ZNF677: variants seen among roughly 807,000 people sequenced by gnomAD.
ZNF677 encodes zinc finger protein 677.
In ZNF677, 5 loss-of-function variants were observed where a neutral mutation model predicts 8.1. The ratio of observed to expected loss-of-function variants is 0.62; its 90% CI spans 0.32 to 1.29. ZNF677 has a LOEUF of 1.29. Ranked by LOEUF, ZNF677 falls within the 50% of genes most tolerant of loss-of-function variation. The pLI, the probability that ZNF677 is intolerant of heterozygous loss-of-function variation, is 0.05. For missense variants in ZNF677, 685 were observed against 685.9 expected (o/e 1.00, Z 0.01); for synonymous variants, 221 against 225.6 (o/e 0.98, Z 0.18).
intron 3 of ZNF677, among the ~76,000 whole-genome samples, chr19:53,250,887 G>A (rs2091224017): frequency 2.0e-5 from 3 of 152,190 alleles, no homozygotes; most frequent in Non-Finnish European, 2.9e-5. Context: ...GAACAGGAGA[G>A]TCTTCATGAG....
intron 2 of ZNF677, 26 bp from the exon 3 acceptor site, chr19:53,251,631 A>G: frequency 6.4e-7 from 1 of 1,572,942 alleles, no homozygotes. Context: ...ATGTTGTTTA[A>G]TGCTTAAAAT....
At position 53,238,048 on chromosome 19, in the gene ZNF677, AAACTGAGG is replaced by A. The variant is rs1321238410; in HGVS notation, c.671_678del (p.Ser224PhefsTer12). On this transcript the variant is annotated frameshift_variant, in exon 5 of 5. Transcript: ENST00000598513. LOFTEE classifies it low-confidence loss of function (END_TRUNC). The stretch of plus-strand genomic sequence containing the variant: ...TTTTTGACACAAGGAGGAAGTGGTG[AAACTGAGG>A]AACTATTGATAGACTTCTCAACTGG... 6.2e-7 allele frequency: 1 copy of A among 1,613,932 alleles called. No individual in the cohort carries two copies. The highest frequency in any genetic ancestry group is 1.3e-5 in the African/African-American group (1 of 74,926).
At chr19:53,244,008 C>T in intron 3 of ZNF677, 111 bp from the exon 4 acceptor site, 2 of 929,516 alleles carry the variant, frequency 2.2e-6, no homozygotes, top group Non-Finnish European at 1.6e-6. Context: ...TTAATGCAAG[C>T]AACTTATATA....
rs149632331 is a variant in ZNF677 at position 53,238,554 on chromosome 19, A to G, written c.173T>C (p.Ile58Thr). ...TCCCTTGCTTGTAAATCCAACAGAAATATCTGAAAGATATTAAAAAAACCA... is the reference window on the plus strand; with the variant it reads ...TCCCTTGCTTGTAAATCCAACAGAAGTATCTGAAAGATATTAAAAAAACCA... ...DEDNIPPEDD[I>T]SVGFTSKGLS... Residue 58 changes from isoleucine to threonine, a missense_variant, in exon 5 of 5, where the codon ATT becomes ACT. Coordinates refer to ENST00000598513, the MANE Select transcript of ZNF677 (RefSeq NM_182609.4). 1.9e-6 allele frequency: 3 copies of G among 1,550,706 alleles called. No homozygotes were observed. Among genetic ancestry groups the G allele is most frequent in the East Asian group, 2.3e-5 (1 of 44,184 alleles).
At chr19:53,238,662 G>GA in intron 4 of ZNF677, 105 bp from the exon 5 acceptor site, 1 of 1,099,844 alleles carries the variant, frequency 9.1e-7, no homozygotes, top group Non-Finnish European at 1.2e-6. Context: ...ACAATGAACA[G>GA]AGTTATGAAG....
At chr19:53,248,418 GT>G (rs1258005147) in intron 3 of ZNF677, among the ~76,000 whole-genome samples, 1 of 152,096 alleles carries the variant, frequency 6.6e-6, no homozygotes, top group Non-Finnish European at 1.5e-5. Flanking sequence ...GTATTAATTT[GT>G]TTTTATGGCT....
intron 2 of ZNF677, among the ~76,000 whole-genome samples, chr19:53,252,290 A>G (rs891105563): frequency 6.6e-6 from 1 of 152,148 alleles, no homozygotes; most frequent in Non-Finnish European, 1.5e-5. Context: ...CCTGAAAATC[A>G]TTTCAGGGAT....
At chr19:53,240,928 A>C (rs919955082) in intron 4 of ZNF677, 1 of 152,008 alleles carries the variant, frequency 6.6e-6, no homozygotes, top group Non-Finnish European at 1.5e-5. Flanking sequence ...GACGCTGTGC[A>C]CGTGTGGGGG....
chr19:53,237,921 CCA>C lies in ZNF677; in HGVS notation c.804_805del (p.Cys268TrpfsTer5), dbSNP rs773279137. 23 of 1,612,368 alleles carry C rather than the reference CCA, an allele frequency of 1.4e-5. No homozygotes were observed. The highest frequency in any genetic ancestry group is 4.5e-5 in the East Asian group (2 of 44,882). On this transcript the variant is annotated frameshift_variant, in exon 5 of 5. Transcript: ENST00000598513. LOFTEE classifies it low-confidence loss of function (END_TRUNC). ...GTTCGAACTTTTGCTAAAAGCCTTT[CCA>C]CAGTCATTACACTTGTATGATTTTT...
At chr19:53,250,695 G>A (rs973428343) in intron 3 of ZNF677, among the ~76,000 whole-genome samples, 1 of 152,094 alleles carries the variant, frequency 6.6e-6, no homozygotes, top group African/African-American at 2.4e-5. Flanking sequence ...AGGAGGGAGA[G>A]GATCAGGAAA....
chr19:53,236,993 A>C lies in ZNF677; in HGVS notation c.1734T>G (p.Ile578Met). Residue 578 changes from isoleucine to methionine, a missense_variant, in exon 5 of 5, where the codon ATT becomes ATG. Physicochemically the swap from Ile to Met is conservative, Grantham distance 10. Transcript: ENST00000598513. ...EKHIKYNETK[I>M]KYSSCT ...GATGCTAGGTACAGCTTGAATACTT[A>C]ATTTTTGTCTCATTATATTTGATAT... The C allele has an allele frequency of 6.4e-7, 1 of 1,567,042 alleles. No homozygotes were observed. Among genetic ancestry groups the C allele is most frequent in the Non-Finnish European group, 8.6e-7 (1 of 1,162,332 alleles).
intron 2 of ZNF677, among the ~76,000 whole-genome samples, chr19:53,252,699 A>G (rs2091254052): frequency 6.6e-6 from 1 of 152,226 alleles, no homozygotes; most frequent in South Asian, 2.1e-4. Flanking sequence ...CTGTTGGAAC[A>G]AAATTCCACA....
chr19:53,247,564 C>G (rs2091165867), intron 3 of ZNF677, among the ~76,000 whole-genome samples: 1 of 152,144 alleles, frequency 6.6e-6, no homozygotes, highest in Admixed American at 6.5e-5. Flanking sequence ...TCTGGCTGTT[C>G]TATCCATTAT....
chr19:53,240,173 G>A (rs1025409186), intron 4 of ZNF677: 5 of 152,212 alleles, frequency 3.3e-5, no homozygotes, highest in African/African-American at 7.2e-5. Context: ...CACAGTGTGT[G>A]CAATGAAGGG....
In ZNF677 at chr19:53,237,136, T is replaced by C. The variant is rs2090979247; in HGVS notation, c.1591A>G (p.Thr531Ala). The C allele has an allele frequency of 1.2e-6, 2 of 1,613,872 alleles. No individual in the cohort carries two copies. The highest frequency in any genetic ancestry group is 8.5e-7 in the Non-Finnish European group (1 of 1,179,944). ...GKAFTQFANLTRHQKIHIEKK... is the reference protein window; with the variant it reads ...GKAFTQFANLARHQKIHIEKK... ...TCAATGTGTATTTTCTGGTGTCTAGTGAGGTTTGCAAATTGGGTAAAAGCT... is the reference window on the plus strand; with the variant it reads ...TCAATGTGTATTTTCTGGTGTCTAGCGAGGTTTGCAAATTGGGTAAAAGCT... Residue 531 changes from threonine to alanine, a missense_variant, in exon 5 of 5, where the codon ACT becomes GCT. Coordinates refer to ENST00000598513, the MANE Select transcript of ZNF677 (RefSeq NM_182609.4).
chr19:53,251,991 G>A (rs879657877), intron 2 of ZNF677, among the ~76,000 whole-genome samples: 3 of 152,186 alleles, frequency 2.0e-5, no homozygotes, highest in Non-Finnish European at 4.4e-5. Flanking sequence ...ACGAATCCCT[G>A]CTGTAGCCAT....
At position 53,238,306 on chromosome 19, in the gene ZNF677, T is replaced by G; in HGVS notation, c.421A>C (p.Ile141Leu). 1 of 1,613,804 alleles carries G rather than the reference T, an allele frequency of 6.2e-7. No homozygotes were observed. Among genetic ancestry groups the G allele is most frequent in the Non-Finnish European group, 8.5e-7 (1 of 1,179,862 alleles). Residue 141 changes from isoleucine (I) to leucine (L), a missense_variant, in exon 5 of 5, where the codon ATA becomes CTA. Coordinates refer to ENST00000598513, the MANE Select transcript of ZNF677 (RefSeq NM_182609.4). ...RKDQQHNKSS[I>L]HFSLKQSVSI... The stretch of plus-strand genomic sequence containing the variant: ...ACACTCTGCTTTAAAGAGAAATGTA[T>G]TGAGGATTTATTATGTTGTTGATCT...
In ZNF677 at chr19:53,237,291, C is replaced by G; in HGVS notation, c.1436G>C (p.Arg479Thr). ...IKRSHLWGHQ[R>T]THTGEKPYKC... ...GTAAGGTTTCTCTCCAGTATGAGTT[C>G]TCTGATGACCCCAAAGGTGTGAACG... Residue 479 changes from arginine to threonine, a missense_variant, in exon 5 of 5, where the codon AGA (arginine) becomes ACA (threonine). Arg to Thr is a moderately conservative substitution (Grantham distance 71, BLOSUM62 -1). Coordinates refer to ENST00000598513, the MANE Select transcript of ZNF677 (RefSeq NM_182609.4). 6.2e-7 allele frequency: 1 copy of G among 1,613,548 alleles called. No homozygotes were observed. Among genetic ancestry groups the G allele is most frequent in the Non-Finnish European group, 8.5e-7 (1 of 1,179,812 alleles).
chr19:53,236,398 T>A lies in ZNF677; in HGVS notation c.*574A>T, dbSNP rs942294381. 4 of 152,180 alleles carry A rather than the reference T, an allele frequency of 2.6e-5. No homozygotes were observed. The highest frequency in any genetic ancestry group is 1.5e-5 in the Non-Finnish European group (1 of 68,036). The allele number at this position is 152,180 out of a possible 1,614,324, so 9.4% of individuals were successfully genotyped here. Reference sequence around the variant, plus strand: ...ATATGAAATAACTGAATAAAAAATTTTTAACACTGAAGTTACATCTTTCCA... The same window carrying A: ...ATATGAAATAACTGAATAAAAAATTATTAACACTGAAGTTACATCTTTCCA... On this transcript the variant is annotated 3_prime_UTR_variant, in exon 5 of 5. Coordinates refer to ENST00000598513, the MANE Select transcript of ZNF677 (RefSeq NM_182609.4).
Sources: gnomAD v4.1 joint callset for allele counts (sites outside exome capture counted in the v4.1 genomes callset) on GRCh38, gnomAD v4.1.1 for gene constraint, MANE v1.5 for transcripts, NCBI Gene and HGNC (gene_info 2026-07-23, HGNC 2026-07-21) for gene names.